RICTOR: variants seen among roughly 807,000 people sequenced by gnomAD.
RICTOR encodes the protein RPTOR independent companion of MTOR complex 2.
In RICTOR, 49 loss-of-function variants were observed where a neutral mutation model predicts 214.9. That is an observed-to-expected ratio of 0.23 (90% CI 0.18 to 0.29). The LOEUF is 0.29. Among genes scored for constraint, RICTOR ranks in the 10% least tolerant of loss-of-function variants. The probability of loss-of-function intolerance (pLI) is 1.00; values close to 1 mark genes in which losing one functional copy is unlikely to be tolerated. For synonymous variants in RICTOR, 717 were observed against 711.3 expected, an observed-to-expected ratio of 1.01 and a Z score of -0.13; for missense variants, 1,625 against 2,047.0, an observed-to-expected ratio of 0.79 and a Z score of 3.98.
Position 38,957,837 on chromosome 5 carries a change from AGGAATAGT to A in RICTOR, c.2421-115_2421-108del, listed in dbSNP as rs1749410111. The A allele has an allele frequency of 1.4e-5, 8 of 592,054 alleles. No individual in the cohort carries two copies. In the South Asian group the frequency reaches 1.9e-4, roughly 14 times the overall value. 36.7% of individuals were successfully genotyped at this position (592,054 alleles called of 1,614,324 possible). ...AAAGTATAAGGAGCTAAAAGACTTT[AGGAATAGT>A]TCGTTCCTAAAACTAAAAGGTCAAC... On this transcript the variant is annotated intron_variant, in intron 24 of 37. Coordinates refer to ENST00000357387, the MANE Select transcript of RICTOR (RefSeq NM_152756.5).
chr5:39,034,425 G>A (rs1756504236), intron 2 of RICTOR, among the ~76,000 whole-genome samples: 1 of 152,230 alleles, frequency 6.6e-6, no homozygotes, highest in Non-Finnish European at 1.5e-5. Flanking sequence ...ATTTCCAACT[G>A]AGGTAACGGG....
chr5:38,992,936 G>C (rs1391202262), intron 6 of RICTOR, among the ~76,000 whole-genome samples: 1 of 152,206 alleles, frequency 6.6e-6, no homozygotes, highest in Non-Finnish European at 1.5e-5. Flanking sequence ...GAAGCACTGA[G>C]TTACCTAAGG....
chr5:39,058,140 T>A (rs1758314793), intron 2 of RICTOR, among the ~76,000 whole-genome samples: 1 of 152,062 alleles, frequency 6.6e-6, no homozygotes, highest in Admixed American at 6.5e-5. Context: ...TGGAATCTTT[T>A]TCTATTCCAA....
chr5:39,031,683 T>C (rs772123016), intron 2 of RICTOR, among the ~76,000 whole-genome samples: 9 of 152,218 alleles, frequency 5.9e-5, no homozygotes, highest in Non-Finnish European at 1.3e-4. Flanking sequence ...CATTCTATGA[T>C]GTATTTGTGA....
At chr5:38,954,733 TA>T in intron 27 of RICTOR, 40 bp downstream of exon 27, 1 of 1,185,456 alleles carries the variant, frequency 8.4e-7, no homozygotes, top group Non-Finnish European at 1.2e-6. Flanking sequence ...GTTTTTTTTT[TA>T]CTATTGTAGC....
rs1454559402 is a variant in RICTOR, at chr5:38,967,145, G to A, written c.1218+16C>T. On this transcript the variant is annotated intron_variant, in intron 14 of 37. Transcript: ENST00000357387. ...AAATAAACAAAATGGAATAAAATAA[G>A]GTTTATAAGTCTTACCTCTAAAAGT... is the stretch of plus-strand genomic sequence containing the variant. The A allele has an allele frequency of 6.5e-7, 1 of 1,544,922 alleles. No individual in the cohort carries two copies. The highest frequency in any genetic ancestry group is 8.9e-7 in the Non-Finnish European group (1 of 1,118,532).
At chr5:39,032,278 T>C (rs1286892352) in intron 2 of RICTOR, among the ~76,000 whole-genome samples, 3 of 152,218 alleles carry the variant, frequency 2.0e-5, no homozygotes, top group Admixed American at 6.5e-5. Context: ...GTTTACATAC[T>C]TGAAATAACC....
chr5:38,938,436 G>A lies in RICTOR; in HGVS notation c.*3868C>T. Reference sequence around the variant, plus strand: ...TCTGCCCCAAGACTTTGCATTTTGTGCTAAATCAACCAAGTAGCAAAATTG... The same window carrying A: ...TCTGCCCCAAGACTTTGCATTTTGTACTAAATCAACCAAGTAGCAAAATTG... On this transcript the variant is annotated 3_prime_UTR_variant, in exon 38 of 38. Coordinates refer to ENST00000357387, the MANE Select transcript of RICTOR (RefSeq NM_152756.5). 4.3e-6 allele frequency: 1 copy of A among 231,274 alleles called. No individual in the cohort carries two copies. The highest frequency in any genetic ancestry group is 2.2e-5 in the African/African-American group (1 of 45,256). 14.3% of individuals were successfully genotyped at this position (231,274 alleles called of 1,614,324 possible). A position where few individuals can be genotyped will look rare whatever the true frequency, so the allele number is the denominator to read the frequency against.
intron 2 of RICTOR, among the ~76,000 whole-genome samples, chr5:39,039,688 T>C (rs1757020134): frequency 6.6e-6 from 1 of 152,192 alleles, no homozygotes; most frequent in African/African-American, 2.4e-5. Flanking sequence ...AAAGAAGACA[T>C]TTATGCAGCC....
chr5:38,958,528 G>C lies in RICTOR; in HGVS notation c.2344-9C>G. 2 of 1,600,566 alleles carry C rather than the reference G, an allele frequency of 1.2e-6. No individual in the cohort carries two copies. The highest frequency in any genetic ancestry group is 1.7e-6 in the Non-Finnish European group (2 of 1,172,010). On this transcript the variant is annotated splice_polypyrimidine_tract_variant and intron_variant, in intron 23 of 37. Coordinates refer to ENST00000357387, the MANE Select transcript of RICTOR (RefSeq NM_152756.5). Reference sequence around the variant, plus strand: ...AGAGCATGAAGATTGGCCTAAAAGAGATTATCATTATTTTTTTATAATTGC... The same window carrying C: ...AGAGCATGAAGATTGGCCTAAAAGACATTATCATTATTTTTTTATAATTGC...
chr5:38,957,730 T>G lies in RICTOR; in HGVS notation c.2421A>C (p.Arg807Ser). ...LGDKGLLLLL[R>S]FLSIPKGFSY... ...AAAATCCTTTTGGAATGGAGAGAAA[T>G]CTGCAAATTAAAACAAGCAATAGTT... Residue 807 changes from arginine to serine, a missense_variant and splice_region_variant, in exon 25 of 38, where the codon AGA becomes AGC. This residue lies in a region of RICTOR where 1,214 missense variants were observed against 1,470.5 expected (regional missense o/e 0.83). Coordinates refer to ENST00000357387, the MANE Select transcript of RICTOR (RefSeq NM_152756.5). 6.5e-7 allele frequency: 1 copy of G among 1,548,162 alleles called. No individual in the cohort carries two copies.
chr5:39,069,344 T>C (rs142661246), intron 2 of RICTOR, among the ~76,000 whole-genome samples: 25 of 152,284 alleles, frequency 1.6e-4, no homozygotes, highest in Admixed American at 4.6e-4. Context: ...ACCTGGTCCA[T>C]GTGAAGAACA....
At chr5:39,000,518 G>A (rs1390128131) in intron 5 of RICTOR, among the ~76,000 whole-genome samples, 1 of 151,930 alleles carries the variant, frequency 6.6e-6, no homozygotes, top group Non-Finnish European at 1.5e-5. Flanking sequence ...AGAAAATCTA[G>A]TAAAAGCTTA....
chr5:38,970,266 A>T lies in RICTOR; in HGVS notation c.972+1611T>A, dbSNP rs566227492. 2.6e-5 allele frequency: 4 copies of T among 152,338 alleles called. No homozygotes were observed. In the East Asian group the frequency reaches 7.7e-4, roughly 29 times the overall value. The allele number at this position is 152,338 out of a possible 1,614,324, so 9.4% of individuals were successfully genotyped here. ...TGATTATACCATATTTTGAAACTGT[A>T]TAAGGCCTATATTAGAGAAGGGATA... On this transcript the variant is annotated intron_variant, in intron 11 of 37. Transcript: ENST00000357387.
rs1477963664 is a variant in RICTOR, at chr5:38,939,432, A to C, written c.*2872T>G. The stretch of plus-strand genomic sequence containing the variant: ...ATTCTACTAATCGTTATTAGAAAAA[A>C]TTTAATTAGGGAGAACAGACTGTTT... On this transcript the variant is annotated 3_prime_UTR_variant, in exon 38 of 38. Coordinates refer to ENST00000357387, the MANE Select transcript of RICTOR (RefSeq NM_152756.5). 8.6e-6 allele frequency: 2 copies of C among 232,262 alleles called. No individual in the cohort carries two copies. Among genetic ancestry groups the C allele is most frequent in the Non-Finnish European group, 1.7e-5 (2 of 117,522 alleles). 14.4% of individuals were successfully genotyped at this position (232,262 alleles called of 1,614,324 possible).
intron 17 of RICTOR, 51 bp from the exon 18 acceptor site, chr5:38,962,637 T>C: frequency 9.6e-7 from 1 of 1,041,940 alleles, no homozygotes; most frequent in Non-Finnish European, 1.4e-6. Context: ...TGTCCTCATA[T>C]CAGAAAACTA....
chr5:38,947,467 G>C, intron 31 of RICTOR, 26 bp from the exon 32 acceptor site: 1 of 1,517,430 alleles, frequency 6.6e-7, no homozygotes, highest in Non-Finnish European at 9.1e-7. Flanking sequence ...GAAACCACTT[G>C]CATTAGTTTC....
chr5:38,955,502 TATATCATGTTAG>T, intron 26 of RICTOR, 81 bp downstream of exon 26: 1 of 731,572 alleles, frequency 1.4e-6, no homozygotes, highest in Non-Finnish European at 2.4e-6. Flanking sequence ...AGATTCTTCC[TATATCATGTTAG>T]AAGCAGAATA....
chr5:39,066,150 G>A (rs1420561762), intron 2 of RICTOR, among the ~76,000 whole-genome samples: 3 of 152,248 alleles, frequency 2.0e-5, no homozygotes, highest in Non-Finnish European at 4.4e-5. Flanking sequence ...TGAAATCTAG[G>A]CAGAGGCTCC....
Sources: allele counts gnomAD v4.1 joint callset (sites outside exome capture counted in the v4.1 genomes callset), GRCh38; gene constraint gnomAD v4.1.1; regional missense constraint gnomAD v4.1.1; transcripts MANE v1.5; gene names NCBI Gene and HGNC (gene_info 2026-07-23, HGNC 2026-07-21).